The following NME7 variants were observed in gnomAD, a reference collection of about 807,000 sequenced individuals.
The protein encoded by NME7 is nucleoside diphosphate kinase 7.
In NME7, 41 loss-of-function variants were observed where a neutral mutation model predicts 49.1. That is an observed-to-expected ratio of 0.83 (90% CI 0.65 to 1.08). The LOEUF (loss-of-function observed/expected upper bound fraction) is 1.08. Ranked by LOEUF, NME7 falls within the 50% of genes least tolerant of loss-of-function variation. The pLI, the probability that NME7 is intolerant of heterozygous loss-of-function variation, is 0.00. For missense variants in NME7, 423 were observed against 463.4 expected (o/e 0.91, Z 0.80); for synonymous variants, 139 against 150.6 (o/e 0.92, Z 0.56).
At chr1:169,307,354 T>C (rs1571374996) in intron 4 of NME7, among the ~76,000 whole-genome samples, 1 of 152,136 alleles carries the variant, frequency 6.6e-6, no homozygotes, top group East Asian at 1.9e-4. Context: ...CCAGTGAAAA[T>C]GGTTTGGTAA....
At chr1:169,251,715 C>G in intron 7 of NME7, among the ~76,000 whole-genome samples, 2 of 110,578 alleles carry the variant, frequency 1.8e-5, no homozygotes, top group East Asian at 6.8e-4. Flanking sequence ...CCCCCCTCCC[C>G]CCACCCCACA....
intron 11 of NME7, 46 bp from the exon 12 acceptor site, chr1:169,132,863 T>C: frequency 6.4e-7 from 1 of 1,561,680 alleles, no homozygotes; most frequent in South Asian, 1.1e-5. Flanking sequence ...CAAATTTTGG[T>C]CTTTTCCACT....
Position 169,345,697 on chromosome 1 carries a change from T to C in NME7, c.4-21197A>G, listed in dbSNP as rs532036244. Among the ~76,000 whole-genome samples, 5 of 152,308 alleles carry C rather than the reference T, an allele frequency of 3.3e-5. 1 individual carries two copies. The highest frequency in any genetic ancestry group is 1.2e-4 in the African/African-American group (5 of 41,566). ...TTTAGCTACACTCACTCTGTTATCA[T>C]CTTATCTAGTCTCATGGCTTTAAAT... On this transcript the variant is annotated intron_variant, in intron 1 of 11. Transcript: ENST00000367811.
At chr1:169,208,867 T>C (rs1557988603) in intron 10 of NME7, among the ~76,000 whole-genome samples, 1 of 152,050 alleles carries the variant, frequency 6.6e-6, no homozygotes, top group East Asian at 1.9e-4. Flanking sequence ...CAAAGATCCA[T>C]AGATTTACAG....
At chr1:169,225,084 GAATA>G (rs1182586942) in intron 10 of NME7, among the ~76,000 whole-genome samples, 2 of 152,076 alleles carry the variant, frequency 1.3e-5, no homozygotes, top group African/African-American at 4.8e-5. Context: ...TATTAAGGAA[GAATA>G]AATAGTGTGA....
Position 169,270,703 on chromosome 1 carries a change from G to A in NME7, c.754+16600C>T, listed in dbSNP as rs999320686. On this transcript the variant is annotated intron_variant, in intron 7 of 11. Transcript: ENST00000367811. The stretch of plus-strand genomic sequence containing the variant: ...TAACACTTATACAGCACTAAACTAC[G>A]TGCTGGGAACTGTCTAGAGCACCTT... 4.5e-5 allele frequency among the ~76,000 whole-genome samples: 6 copies of A among 133,244 alleles called. 2 individuals are homozygous for A. Among genetic ancestry groups the A allele is most frequent in the East Asian group, 2.0e-4 (1 of 5,044 alleles). 87.4% of individuals were successfully genotyped at this position (133,244 alleles called of 152,430 possible). A position where few individuals can be genotyped will look rare whatever the true frequency, so the allele number is the denominator to read the frequency against.
In NME7 at chr1:169,279,985, G is replaced by A. The variant is rs143221292; in HGVS notation, c.754+7318C>T. Among the ~76,000 whole-genome samples the A allele has an allele frequency of 3.8e-3, 583 of 152,262 alleles. 1 individual carries two copies. The highest frequency in any genetic ancestry group is 0.013 in the African/African-American group (555 of 41,544). On this transcript the variant is annotated intron_variant, in intron 7 of 11. Coordinates refer to ENST00000367811, the MANE Select transcript of NME7 (RefSeq NM_013330.5). ...CCCTTTGGGTATATGCCTAGTAATG[G>A]GATTGCTGGGCCAAATGGTATTTCC...
rs543055209 is a variant in NME7, at chr1:169,352,131, AAAAAG to A, written c.3+15572_3+15576del. 3.3e-3 allele frequency among the ~76,000 whole-genome samples: 499 copies of A among 152,136 alleles called. 3 individuals are homozygous for A. The highest frequency in any genetic ancestry group is 0.011 in the African/African-American group (462 of 41,548). ...ACAACACATCAAAAAAAAAAGAATGAAAAAGAAAACTACAGAACAATATCTCTAAT... is the reference window on the plus strand; with the variant it reads ...ACAACACATCAAAAAAAAAAGAATGAAAAACTACAGAACAATATCTCTAAT... On this transcript the variant is annotated intron_variant, in intron 1 of 11. Coordinates refer to ENST00000367811, the MANE Select transcript of NME7 (RefSeq NM_013330.5).
intron 7 of NME7, among the ~76,000 whole-genome samples, chr1:169,258,047 A>G (rs1649025760): frequency 7.5e-6 from 1 of 133,266 alleles, no homozygotes; most frequent in Admixed American, 7.4e-5. Context: ...TCTATTTTAA[A>G]AAGACATAGG....
intron 7 of NME7, among the ~76,000 whole-genome samples, chr1:169,278,040 T>C (rs1649817275): frequency 1.3e-5 from 2 of 151,842 alleles, no homozygotes; most frequent in South Asian, 4.2e-4. Flanking sequence ...CTTGTAGAGT[T>C]TCTGCCGAGA....
rs181477166 is a variant in NME7 at position 169,336,156 on chromosome 1, C to T, written c.4-11656G>A. Among the ~76,000 whole-genome samples, 6 of 151,586 alleles carry T rather than the reference C, an allele frequency of 4.0e-5. No individual in the cohort carries two copies. The East Asian group carries it at 5.8e-4, about 15-fold the overall frequency. The stretch of plus-strand genomic sequence containing the variant: ...GTGAGTGTTACAGCTCTTAAGACAG[C>T]GCGTCCGGAGTTGTTCGTTCCTCCC... On this transcript the variant is annotated intron_variant, in intron 1 of 11. Coordinates refer to ENST00000367811, the MANE Select transcript of NME7 (RefSeq NM_013330.5).
chr1:169,301,268 A>T (rs947348733), intron 5 of NME7, among the ~76,000 whole-genome samples: 6 of 152,188 alleles, frequency 3.9e-5, no homozygotes, highest in African/African-American at 1.4e-4. Context: ...AGCAAAAGAC[A>T]TAAATACACA....
At chr1:169,137,822 T>C (rs1316228594) in intron 11 of NME7, among the ~76,000 whole-genome samples, 1 of 152,200 alleles carries the variant, frequency 6.6e-6, no homozygotes, top group South Asian at 2.1e-4. Context: ...CAAACCTTGA[T>C]AGAAAGGAGA....
At chr1:169,155,990 G>T (rs1320098058) in intron 11 of NME7, among the ~76,000 whole-genome samples, 1 of 152,012 alleles carries the variant, frequency 6.6e-6, no homozygotes. Flanking sequence ...TACTGAACTA[G>T]ACACTGGGGG....
At chr1:169,326,519 A>G (rs987195473) in intron 1 of NME7, among the ~76,000 whole-genome samples, 1 of 152,140 alleles carries the variant, frequency 6.6e-6, no homozygotes, top group African/African-American at 2.4e-5. Context: ...TGAGAAGCCT[A>G]AGAAGCTGGT....
chr1:169,279,560 G>A (rs986344998), intron 7 of NME7, among the ~76,000 whole-genome samples: 1 of 152,206 alleles, frequency 6.6e-6, no homozygotes, highest in African/African-American at 2.4e-5. Context: ...ATTTGGGTGG[G>A]AGTGACCCGA....
intron 1 of NME7, among the ~76,000 whole-genome samples, chr1:169,350,230 G>GAA: frequency 8.3e-6 from 1 of 120,824 alleles, no homozygotes; most frequent in South Asian, 2.7e-4. Context: ...AGAAAAGAAA[G>GAA]AAAGAAAGAA....
In NME7 at chr1:169,269,847, C is replaced by T. The variant is rs564552597; in HGVS notation, c.754+17456G>A. 1.8e-4 allele frequency among the ~76,000 whole-genome samples: 24 copies of T among 134,564 alleles called. 4 individuals are homozygous for T. In the South Asian group the frequency reaches 5.0e-3, roughly 28 times the overall value. 88.3% of individuals were successfully genotyped at this position (134,564 alleles called of 152,430 possible). On this transcript the variant is annotated intron_variant, in intron 7 of 11. Transcript: ENST00000367811. ...CAAAATATCTAAACTTTCTTTGAAA[C>T]ATTCTCCATGAAAATAGAATTATTT...
intron 9 of NME7, among the ~76,000 whole-genome samples, chr1:169,232,912 C>CTTTTTTTTTTTT (rs10545228): frequency 1.3e-5 from 1 of 74,528 alleles, no homozygotes. Flanking sequence ...GTTTTCTTTT[C>CTTTTTTTTTTTT]TTTTTTTTTT....
Sources: gnomAD v4.1 joint callset for allele counts (sites outside exome capture counted in the v4.1 genomes callset) on GRCh38, gnomAD v4.1.1 for gene constraint, MANE v1.5 for transcripts, NCBI Gene and HGNC (gene_info 2026-07-23, HGNC 2026-07-21) for gene names.